TFDP1: variants seen among roughly 807,000 people sequenced by gnomAD.
The protein encoded by TFDP1 is transcription factor Dp-1, also known as DRTF1-polypeptide 1.
TFDP1 carries 6 observed loss-of-function variants against 48.0 expected under a neutral mutation model. The ratio of observed to expected loss-of-function variants is 0.13; its 90% CI spans 0.07 to 0.25. The LOEUF is 0.25. Among genes scored for constraint, TFDP1 ranks in the 10% least tolerant of loss-of-function variants. The pLI is 1.00. For missense variants in TFDP1, 335 were observed against 543.0 expected, an observed-to-expected ratio of 0.62 and a Z score of 3.81; for synonymous variants, 201 against 211.6, an observed-to-expected ratio of 0.95 and a Z score of 0.44.
At chr13:113,619,082 A>ACTTGAAG (rs1463522060) in intron 3 of TFDP1, among the ~76,000 whole-genome samples, 1 of 152,214 alleles carries the variant, frequency 6.6e-6, no homozygotes, top group Non-Finnish European at 1.5e-5. Flanking sequence ...TCTCTATGAA[A>ACTTGAAG]CTTGAAGCAA....
chr13:113,612,971 T>TC (rs1441270826), intron 3 of TFDP1, among the ~76,000 whole-genome samples: 1 of 152,074 alleles, frequency 6.6e-6, no homozygotes, highest in Non-Finnish European at 1.5e-5. Flanking sequence ...CTCCTGGACC[T>TC]CCCCTGCCCT....
At chr13:113,635,925 G>A (rs1328822441) in intron 8 of TFDP1, 52 bp from the exon 9 acceptor site, 2 of 1,584,926 alleles carry the variant, frequency 1.3e-6, no homozygotes, top group Non-Finnish European at 1.7e-6. Context: ...CGAGCACAGG[G>A]GCTGCGTTCT....
rs1345621516 is a variant in TFDP1 at position 113,641,081 on chromosome 13, A to G, written c.*814A>G. ...TTATTATATAGTTGTTTACATACTTATAAGTCTATCATTTAAAGACATGTA... is the reference window on the plus strand; with the variant it reads ...TTATTATATAGTTGTTTACATACTTGTAAGTCTATCATTTAAAGACATGTA... On this transcript the variant is annotated 3_prime_UTR_variant, in exon 12 of 12. Transcript: ENST00000375370. The G allele has an allele frequency of 6.5e-6, 1 of 152,682 alleles. No individual in the cohort carries two copies. 9.5% of individuals were successfully genotyped at this position (152,682 alleles called of 1,614,324 possible). A position where few individuals can be genotyped will look rare whatever the true frequency, so the allele number is the denominator to read the frequency against.
chr13:113,604,279 T>C (rs1412535348), intron 2 of TFDP1, among the ~76,000 whole-genome samples: 1 of 152,136 alleles, frequency 6.6e-6, no homozygotes, highest in African/African-American at 2.4e-5. Flanking sequence ...GGGTCTTTCC[T>C]ACAGCTCCTT....
rs1416481613 is a variant in TFDP1, at chr13:113,585,217, GGCCGCCCCAC to G, written c.-65+331_-65+340del. On this transcript the variant is annotated intron_variant, in intron 1 of 11. Transcript: ENST00000375370. ...GGAGCGCGCAGGGCGGGGGAGGGGAGGCCGCCCCACGGCGGCCCGCGGGGACCCGGTTCCG... is the reference window on the plus strand; with the variant it reads ...GGAGCGCGCAGGGCGGGGGAGGGGAGGGCGGCCCGCGGGGACCCGGTTCCG... The G allele has an allele frequency of 4.7e-5, 7 of 149,126 alleles. No individual in the cohort carries two copies. In the East Asian group the frequency reaches 1.4e-3, roughly 29 times the overall value. The allele number at this position is 149,126 out of a possible 1,614,324, so 9.2% of individuals were successfully genotyped here. A position where few individuals can be genotyped will look rare whatever the true frequency, so the allele number is the denominator to read the frequency against.
intron 2 of TFDP1, among the ~76,000 whole-genome samples, chr13:113,589,952 A>G (rs2048100310): frequency 6.6e-6 from 1 of 152,216 alleles, no homozygotes; most frequent in Admixed American, 6.5e-5. Flanking sequence ...CAGTGTCATG[A>G]AAGTTTGTAA....
intron 1 of TFDP1, 75 bp downstream of exon 1, chr13:113,584,963 A>G (rs1310959256): frequency 6.9e-6 from 1 of 145,332 alleles, no homozygotes; most frequent in Non-Finnish European, 1.5e-5. Context: ...CGGCCACCCC[A>G]TCCCTTGCCC....
chr13:113,601,717 G>A (rs369098337), intron 2 of TFDP1, among the ~76,000 whole-genome samples: 4 of 152,366 alleles, frequency 2.6e-5, no homozygotes, highest in South Asian at 2.1e-4. Context: ...GGCCAGGTGC[G>A]CGGAAGGTGC....
chr13:113,633,002 G>A lies in TFDP1; in HGVS notation c.309-118G>A, dbSNP rs567157305. ...CTCACGTGTTGGATCTGCTGCGCCC[G>A]TGGGACGTGGCCCCTTTTTGTGCAG... On this transcript the variant is annotated intron_variant, in intron 5 of 11. Coordinates refer to ENST00000375370, the MANE Select transcript of TFDP1 (RefSeq NM_007111.5). The surrounding 1 kb of genome is among the most constrained non-coding windows in gnomAD (Gnocchi z 4.5). The A allele has an allele frequency of 1.1e-5, 14 of 1,288,510 alleles. No homozygotes were observed. The African/African-American group carries it at 1.4e-4, about 12-fold the overall frequency. The allele number at this position is 1,288,510 out of a possible 1,614,324, so 79.8% of individuals were successfully genotyped here. A position where few individuals can be genotyped will look rare whatever the true frequency, so the allele number is the denominator to read the frequency against.
intron 2 of TFDP1, among the ~76,000 whole-genome samples, chr13:113,589,575 C>T (rs2048090199): frequency 6.6e-6 from 1 of 152,238 alleles, no homozygotes; most frequent in Non-Finnish European, 1.5e-5. Context: ...GGCCCTCCGC[C>T]TCAGGGCCTA....
chr13:113,631,739 T>A lies in TFDP1; in HGVS notation c.303T>A (p.Ser101=). Residue 101 remains serine (S), a synonymous_variant, in exon 5 of 12, where the codon TCT becomes TCA. Coordinates refer to ENST00000375370, the MANE Select transcript of TFDP1 (RefSeq NM_007111.5). ...QNQPSDSSPW[S]AGKRNRKGEK... ...AGCCTTCCGACTCCTCACCTTGGTCTGCCGGGTGAGCACTTCCCTCTGGAC... is the reference window on the plus strand; with the variant it reads ...AGCCTTCCGACTCCTCACCTTGGTCAGCCGGGTGAGCACTTCCCTCTGGAC... 6.2e-7 allele frequency: 1 copy of A among 1,614,074 alleles called. No individual in the cohort carries two copies. The highest frequency in any genetic ancestry group is 8.5e-7 in the Non-Finnish European group (1 of 1,179,964).
intron 4 of TFDP1, among the ~76,000 whole-genome samples, chr13:113,626,102 T>C (rs376561740): frequency 2.8e-4 from 35 of 125,696 alleles, no homozygotes; most frequent in East Asian, 8.1e-4. Flanking sequence ...GTTTCTCAGG[T>C]GTCTCTCACG....
At chr13:113,610,744 G>A (rs558531565) in intron 2 of TFDP1, among the ~76,000 whole-genome samples, 1 of 152,364 alleles carries the variant, frequency 6.6e-6, no homozygotes, top group South Asian at 2.1e-4. Flanking sequence ...TCAAGACTGT[G>A]TGGATTCTGT....
chr13:113,586,422 A>G (rs1260681330), intron 2 of TFDP1, among the ~76,000 whole-genome samples: 2 of 152,040 alleles, frequency 1.3e-5, no homozygotes, highest in African/African-American at 2.4e-5. Flanking sequence ...TGCAGTTGTC[A>G]TGAAACTATA....
chr13:113,634,802 C>T (rs2049431591), intron 8 of TFDP1, among the ~76,000 whole-genome samples, 200 bp downstream of exon 8: 1 of 7,446 alleles, frequency 1.3e-4, no homozygotes, highest in South Asian at 5.0e-3. Flanking sequence ...CGTGTGCATG[C>T]ATGTGTGTGT....
rs754324132 is a variant in TFDP1, at chr13:113,633,321, C to T, written c.474+36C>T. 5.4e-5 allele frequency: 85 copies of T among 1,570,902 alleles called. No individual in the cohort carries two copies. The highest frequency in any genetic ancestry group is 6.8e-5 in the Non-Finnish European group (78 of 1,145,974). ...GCCGGGGGCCGAGAGGCTGGGGTGG[C>T]GGAGCCCAGCGGTGTGGTACGTTTC... is the stretch of plus-strand genomic sequence containing the variant. On this transcript the variant is annotated intron_variant, in intron 6 of 11. Coordinates refer to ENST00000375370, the MANE Select transcript of TFDP1 (RefSeq NM_007111.5). The surrounding 1 kb of genome is among the most constrained non-coding windows in gnomAD (Gnocchi z 4.5).
chr13:113,586,776 C>T (rs933822925), intron 2 of TFDP1, among the ~76,000 whole-genome samples: 34 of 152,216 alleles, frequency 2.2e-4, no homozygotes, highest in Admixed American at 1.3e-3. Context: ...GCATGTCACA[C>T]GGCATCCCTG....
chr13:113,599,051 T>C (rs538454317), intron 2 of TFDP1, among the ~76,000 whole-genome samples: 1 of 152,336 alleles, frequency 6.6e-6, no homozygotes, highest in Admixed American at 6.5e-5. Flanking sequence ...TTTTGGTGAT[T>C]GTTTCTGGGG....
chr13:113,587,202 G>T (rs369498664), intron 2 of TFDP1, among the ~76,000 whole-genome samples: 2 of 152,134 alleles, frequency 1.3e-5, no homozygotes, highest in African/African-American at 2.4e-5. Context: ...GGTGGGGGGC[G>T]TGTGGAAAGG....
Sources: gnomAD v4.1 joint callset for allele counts (sites outside exome capture counted in the v4.1 genomes callset) on GRCh38, gnomAD v4.1.1 for gene constraint, Gnocchi (gnomAD v3.1) non-coding constraint, MANE v1.5 for transcripts, NCBI Gene and HGNC (gene_info 2026-07-23, HGNC 2026-07-21) for gene names.